Variants in DNMT3A observed in about 807,000 individuals in gnomAD.
The protein encoded by DNMT3A is DNA (cytosine-5)-methyltransferase 3A.
A neutral mutation model predicts 117.6 loss-of-function variants in DNMT3A; 267 were observed. That is an observed-to-expected ratio of 2.27 (90% CI 2.05 to 2.51). The LOEUF is 2.51. Among genes scored for constraint, DNMT3A ranks in the 30% most tolerant of loss-of-function variants. The pLI is 0.00. For synonymous variants in DNMT3A, 432 were observed against 474.8 expected (o/e 0.91, Z 1.17); for missense variants, 1,029 against 1,260.2 (o/e 0.82, Z 2.78).
Position 25,252,189 on chromosome 2 carries a change from C to A in DNMT3A, c.640-3937G>T. 1 of 1,567,796 alleles carries A rather than the reference C, an allele frequency of 6.4e-7. No homozygotes were observed. Among genetic ancestry groups the A allele is most frequent in the Non-Finnish European group, 8.6e-7 (1 of 1,158,386 alleles). On this transcript the variant is annotated intron_variant, in intron 6 of 22. Transcript: ENST00000321117. The surrounding 1 kb of genome is among the most constrained non-coding windows in gnomAD (Gnocchi z 5.5). ...GTCTCCCCGGGGCTCCGTCCAGGAA[C>A]CTACCCATAAGGCCAGGTGCAGCCC...
chr2:25,259,888 C>T (rs1193201516), intron 6 of DNMT3A, among the ~76,000 whole-genome samples: 2 of 152,206 alleles, frequency 1.3e-5, no homozygotes, highest in African/African-American at 4.8e-5. Context: ...AGCAGGACCC[C>T]TGCCATCTCC....
Position 25,241,655 on chromosome 2 carries a change from CGAGGCAAT to C in DNMT3A, c.1981_1988del (p.Ile661GlyfsTer4), listed in dbSNP as rs1265364210. ...CCGTGATGGAGTCCTCACACACCTC[CGAGGCAAT>C]GTAGCGGTCCACCTGAATGCCCAAG... On this transcript the variant is annotated frameshift_variant, in exon 17 of 23. Transcript: ENST00000321117. LOFTEE classifies it high-confidence loss of function. The C allele has an allele frequency of 6.2e-7, 1 of 1,614,004 alleles. No individual in the cohort carries two copies. Among genetic ancestry groups the C allele is most frequent in the Non-Finnish European group, 8.5e-7 (1 of 1,180,020 alleles).
chr2:25,317,404 A>G (rs995309905), intron 1 of DNMT3A, among the ~76,000 whole-genome samples: 2 of 152,214 alleles, frequency 1.3e-5, no homozygotes, highest in South Asian at 4.1e-4. Context: ...TAGGCTGAAC[A>G]AGAGAAGGAA....
intron 1 of DNMT3A, chr2:25,314,428 C>A (rs928997948): frequency 8.1e-6 from 8 of 985,222 alleles, no homozygotes; most frequent in African/African-American, 3.5e-5. Flanking sequence ...CCTCCAGCTG[C>A]CTCCGCCTCC....
chr2:25,282,733 A>G lies in DNMT3A; in HGVS notation c.178-22T>C. On this transcript the variant is annotated intron_variant, in intron 3 of 22. Coordinates refer to ENST00000321117, the MANE Select transcript of DNMT3A (RefSeq NM_022552.5). This position sits in a 1 kb window ranked among gnomAD's most constrained non-coding sequence, Gnocchi z 5.2. ...CCACCTGCAAATGTAAGAAAGATAC[A>G]CAAGAGGAGGGTTAGATCAGTGGGC... 6.6e-7 allele frequency: 1 copy of G among 1,514,280 alleles called. No individual in the cohort carries two copies. Among genetic ancestry groups the G allele is most frequent in the Non-Finnish European group, 8.8e-7 (1 of 1,130,742 alleles). The allele number at this position is 1,514,280 out of a possible 1,614,324, so 93.8% of individuals were successfully genotyped here.
rs148355302 is a variant in DNMT3A at position 25,277,742 on chromosome 2, T to C, written c.449-2199A>G. 4.9e-3 allele frequency among the ~76,000 whole-genome samples: 751 copies of C among 152,252 alleles called. 8 individuals are homozygous for C. Among genetic ancestry groups the C allele is most frequent in the African/African-American group, 0.017 (721 of 41,552 alleles). On this transcript the variant is annotated intron_variant, in intron 4 of 22. Coordinates refer to ENST00000321117, the MANE Select transcript of DNMT3A (RefSeq NM_022552.5). ...AGATCATTGAGTACTTGTTCAGCAC[T>C]TAAATTTTGCAGAAAGCTGAGACCT...
chr2:25,251,153 C>CGGGG (rs34583441), intron 6 of DNMT3A, among the ~76,000 whole-genome samples: 2 of 58,708 alleles, frequency 3.4e-5, no homozygotes, highest in Admixed American at 1.6e-4. Flanking sequence ...AAGGAAGAAG[C>CGGGG]GGGGGGGGGG....
intron 3 of DNMT3A, among the ~76,000 whole-genome samples, chr2:25,289,249 C>T (rs540911880): frequency 1.1e-4 from 16 of 152,018 alleles, no homozygotes; most frequent in African/African-American, 3.9e-4. Context: ...ATTACAGGTG[C>T]CTGCCACCAC....
At chr2:25,280,413 T>C (rs1223597470) in intron 4 of DNMT3A, among the ~76,000 whole-genome samples, 1 of 149,484 alleles carries the variant, frequency 6.7e-6, no homozygotes, top group Admixed American at 6.7e-5. Context: ...CTCTGCACTC[T>C]AGCCTTGTGA....
At chr2:25,245,514 C>T (rs578254107) in intron 12 of DNMT3A, among the ~76,000 whole-genome samples, 182 bp from the exon 13 acceptor site, 1 of 152,360 alleles carries the variant, frequency 6.6e-6, no homozygotes, top group African/African-American at 2.4e-5. Context: ...GCCATCATCT[C>T]AGAGCACCAA....
In DNMT3A at chr2:25,287,498, G is replaced by A. The variant is rs557972453; in HGVS notation, c.178-4787C>T. The stretch of plus-strand genomic sequence containing the variant: ...GTTTGCCAATCTTCGCTTTCCTTCT[G>A]GGCAGAACCCCCACCTTGCCTCCGG... On this transcript the variant is annotated intron_variant, in intron 3 of 22. Transcript: ENST00000321117. Among the ~76,000 whole-genome samples, 258 of 152,182 alleles carry A rather than the reference G, an allele frequency of 1.7e-3. 2 individuals are homozygous for A. The highest frequency in any genetic ancestry group is 5.8e-3 in the African/African-American group (241 of 41,524).
At chr2:25,341,056 C>T (rs2035409673) in intron 1 of DNMT3A, among the ~76,000 whole-genome samples, 1 of 144,694 alleles carries the variant, frequency 6.9e-6, no homozygotes, top group South Asian at 2.1e-4. Flanking sequence ...CCCCGCCGCC[C>T]CTCCCGGCCC....
At chr2:25,253,831 T>C (rs2149330912) in intron 6 of DNMT3A, among the ~76,000 whole-genome samples, 1 of 152,280 alleles carries the variant, frequency 6.6e-6, no homozygotes, top group Admixed American at 6.5e-5. Flanking sequence ...CCCAGCACTT[T>C]GGAAGGCTGA....
intron 1 of DNMT3A, among the ~76,000 whole-genome samples, chr2:25,317,615 C>T (rs2034434191): frequency 6.6e-6 from 1 of 152,202 alleles, no homozygotes; most frequent in Non-Finnish European, 1.5e-5. Flanking sequence ...AGACCCTCTT[C>T]TACAAGTTTG....
intron 3 of DNMT3A, among the ~76,000 whole-genome samples, chr2:25,299,680 C>T (rs1349423207): frequency 2.6e-5 from 4 of 152,176 alleles, no homozygotes; most frequent in Non-Finnish European, 5.9e-5. Context: ...CCTGTAATCC[C>T]AGCACTTTGG....
intron 3 of DNMT3A, among the ~76,000 whole-genome samples, chr2:25,299,752 G>A (rs1044470267): frequency 3.3e-5 from 5 of 152,160 alleles, no homozygotes; most frequent in Admixed American, 2.0e-4. Context: ...CCAACATGGC[G>A]AAATCTCGCC....
rs1424318446 is a variant in DNMT3A at position 25,229,152 on chromosome 2, A to G, written c.*5127T>C. On this transcript the variant is annotated 3_prime_UTR_variant, in exon 23 of 23. Coordinates refer to ENST00000321117, the MANE Select transcript of DNMT3A (RefSeq NM_022552.5). ...GGAAACACAGAGGCAAGGTTCCCCA[A>G]CTCGATCCTCAAAGACCCTGGCCTG... is the stretch of plus-strand genomic sequence containing the variant. 1 of 152,188 alleles carries G rather than the reference A, an allele frequency of 6.6e-6. No individual in the cohort carries two copies. The highest frequency in any genetic ancestry group is 2.4e-5 in the African/African-American group (1 of 41,406). 9.4% of individuals were successfully genotyped at this position (152,188 alleles called of 1,614,324 possible). A position where few individuals can be genotyped will look rare whatever the true frequency, so the allele number is the denominator to read the frequency against.
intron 12 of DNMT3A, among the ~76,000 whole-genome samples, 184 bp downstream of exon 12, chr2:25,245,836 C>T (rs1011424104): frequency 3.9e-5 from 6 of 152,244 alleles, no homozygotes; most frequent in South Asian, 2.1e-4. Flanking sequence ...GACCAGCCCA[C>T]GCCATTGACA....
chr2:25,234,144 T>C lies in DNMT3A; in HGVS notation c.*135A>G, dbSNP rs1420943034. On this transcript the variant is annotated 3_prime_UTR_variant, in exon 23 of 23. Coordinates refer to ENST00000321117, the MANE Select transcript of DNMT3A (RefSeq NM_022552.5). The surrounding 1 kb of genome is among the most constrained non-coding windows in gnomAD (Gnocchi z 4.5). ...CCGGTATTTCCGCCTCTGTGGTTTT[T>C]GTTTTAAATTCCTTTTTCTCTTCTG... The C allele has an allele frequency of 5.1e-6, 7 of 1,363,834 alleles. No homozygotes were observed. In the African/African-American group the frequency reaches 8.8e-5, roughly 17 times the overall value. The allele number at this position is 1,363,834 out of a possible 1,614,324, so 84.5% of individuals were successfully genotyped here. A position where few individuals can be genotyped will look rare whatever the true frequency, so the allele number is the denominator to read the frequency against.
Sources: gnomAD v4.1 joint callset for allele counts (sites outside exome capture counted in the v4.1 genomes callset) on GRCh38, gnomAD v4.1.1 for gene constraint, Gnocchi (gnomAD v3.1) non-coding constraint, MANE v1.5 for transcripts, NCBI Gene and HGNC (gene_info 2026-07-23, HGNC 2026-07-21) for gene names.